The following LRRC51 variants were observed in gnomAD, a reference collection of about 807,000 sequenced individuals.
LRRC51 encodes leucine-rich repeat-containing protein 51.
A neutral mutation model predicts 17.8 loss-of-function variants in LRRC51; 8 were observed. That is an observed-to-expected ratio of 0.45 (90% CI 0.26 to 0.81). LRRC51 has a LOEUF of 0.81. Ranked by LOEUF, LRRC51 falls within the 30% of genes least tolerant of loss-of-function variation. LRRC51 has a pLI of 0.17. For missense variants in LRRC51, 233 were observed against 239.3 expected (o/e 0.97, Z 0.17); for synonymous variants, 92 against 96.0 (o/e 0.96, Z 0.24).
At position 72,095,038 on chromosome 11, in the gene LRRC51, C is replaced by A. The variant is rs1283366227; in HGVS notation, c.379C>A (p.Pro127Thr). 1 of 1,613,926 alleles carries A rather than the reference C, an allele frequency of 6.2e-7. No homozygotes were observed. The highest frequency in any genetic ancestry group is 1.3e-5 in the African/African-American group (1 of 74,868). ...LGEVNKLAVL[P>T]RLRSLTLHGN... ...GGAGGTGAATAAGCTGGCTGTCCTTCCTCGGCTCCGTAGCCTGACACTCCA... is the reference window on the plus strand; with the variant it reads ...GGAGGTGAATAAGCTGGCTGTCCTTACTCGGCTCCGTAGCCTGACACTCCA... The change falls in exon 5 of 6, where the codon CCT becomes ACT. Residue 127 changes from proline (P) to threonine (T), a missense_variant. Coordinates refer to ENST00000289488, the MANE Select transcript of LRRC51 (RefSeq NM_145309.6).
intron 1 of LRRC51, among the ~76,000 whole-genome samples, chr11:72,084,866 GTGTGTGTGTGTGTGTGTGTGTGTGT>G (rs1944442754): frequency 2.3e-4 from 1 of 4,370 alleles, no homozygotes; most frequent in African/African-American, 7.1e-4. Context: ...AAAACCGTGT[GTGTGTGTGTGTGTGTGTGTGTGTGT>G]GTGTGTGTGT....
At position 72,096,809 on chromosome 11, in the gene LRRC51, A is replaced by C. The variant is rs1481059021; in HGVS notation, c.*1289A>C. 4 of 1,361,454 alleles carry C rather than the reference A, an allele frequency of 2.9e-6. No homozygotes were observed. Among genetic ancestry groups the C allele is most frequent in the South Asian group, 1.8e-5 (1 of 57,022 alleles). 84.3% of individuals were successfully genotyped at this position (1,361,454 alleles called of 1,614,324 possible). ...GATCTCTGAAACCAGCCCCCACTTC[A>C]ATCAGATCAAAGTAATTCCATTCTG... On this transcript the variant is annotated 3_prime_UTR_variant, in exon 6 of 6. Transcript: ENST00000289488.
At chr11:72,094,903 G>A (rs1286782482) in intron 4 of LRRC51, 45 bp from the exon 5 acceptor site, 1 of 1,614,082 alleles carries the variant, frequency 6.2e-7, no homozygotes, top group South Asian at 1.1e-5. Flanking sequence ...AGAGATTCAG[G>A]GTCCTGTCCT....
At chr11:72,094,922 TG>T (rs1945090342) in intron 4 of LRRC51, 25 bp from the exon 5 acceptor site, 1 of 1,614,188 alleles carries the variant, frequency 6.2e-7, no homozygotes, top group African/African-American at 1.3e-5. Context: ...CTGTCTAGCC[TG>T]GCTTTTGGTT....
rs1945213564 is a variant in LRRC51, at chr11:72,096,410, G to A, written c.*890G>A. 1 of 510,394 alleles carries A rather than the reference G, an allele frequency of 2.0e-6. No homozygotes were observed. Among genetic ancestry groups the A allele is most frequent in the South Asian group, 7.0e-5 (1 of 14,198 alleles). The allele number at this position is 510,394 out of a possible 1,614,324, so 31.6% of individuals were successfully genotyped here. On this transcript the variant is annotated 3_prime_UTR_variant, in exon 6 of 6. Transcript: ENST00000289488. ...GAGCCACCACGCCCAGCCTTTTTTTGTATTTTTAGTAGAGATGGGGTTTCG... is the reference window on the plus strand; with the variant it reads ...GAGCCACCACGCCCAGCCTTTTTTTATATTTTTAGTAGAGATGGGGTTTCG...
chr11:72,091,352 T>C (rs1238768372), intron 3 of LRRC51, among the ~76,000 whole-genome samples: 1 of 152,082 alleles, frequency 6.6e-6, no homozygotes, highest in Non-Finnish European at 1.5e-5. Flanking sequence ...TGAGCTGGGG[T>C]ACGCCGTTCC....
rs960979862 is a variant in LRRC51 at position 72,095,625 on chromosome 11, A to T, written c.*105A>T. ...AGATGAGAAGTCACTTACACCTTGT[A>T]GAGATGTTCTCTAACTCAGGCAACT... On this transcript the variant is annotated 3_prime_UTR_variant, in exon 6 of 6. Coordinates refer to ENST00000289488, the MANE Select transcript of LRRC51 (RefSeq NM_145309.6). 3.9e-6 allele frequency: 6 copies of T among 1,551,046 alleles called. No individual in the cohort carries two copies. In the African/African-American group the frequency reaches 8.2e-5, roughly 21 times the overall value.
At chr11:72,092,818 G>C (rs1944939569) in intron 3 of LRRC51, among the ~76,000 whole-genome samples, 1 of 152,190 alleles carries the variant, frequency 6.6e-6, no homozygotes, top group South Asian at 2.1e-4. Context: ...TTCAGCTCAG[G>C]CTTCACCTTC....
At chr11:72,086,549 T>G (rs1944544145) in intron 1 of LRRC51, 3 of 689,752 alleles carry the variant, frequency 4.3e-6, no homozygotes, top group Non-Finnish European at 2.6e-6. Flanking sequence ...ACATTTTGAG[T>G]GCCTGTTGTA....
Position 72,095,383 on chromosome 11 carries a change from T to C in LRRC51, c.442T>C (p.Tyr148His), listed in dbSNP as rs752323332. Residue 148 changes from tyrosine to histidine, a missense_variant, in exon 6 of 6, where the codon TAT becomes CAT. Tyr to His is a moderately conservative substitution (Grantham distance 83, BLOSUM62 2). Transcript: ENST00000289488. ...PMEEEKGYRQ[Y>H]VLCTLSRITT... ...CAGCCTAAGTCTTCCCCACAGGCAATATGTGCTGTGCACCCTGTCCCGTAT... is the reference window on the plus strand; with the variant it reads ...CAGCCTAAGTCTTCCCCACAGGCAACATGTGCTGTGCACCCTGTCCCGTAT... 3.7e-6 allele frequency: 6 copies of C among 1,614,016 alleles called. No homozygotes were observed. The East Asian group carries it at 1.3e-4, about 36-fold the overall frequency.
chr11:72,089,266 C>G (rs1259708865), intron 3 of LRRC51, 101 bp downstream of exon 3: 1 of 1,576,156 alleles, frequency 6.3e-7, no homozygotes, highest in South Asian at 1.1e-5. Flanking sequence ...AGAGATTCTT[C>G]CCATATGCTT....
At chr11:72,092,898 T>C (rs1171570703) in intron 3 of LRRC51, among the ~76,000 whole-genome samples, 3 of 152,218 alleles carry the variant, frequency 2.0e-5, no homozygotes, top group Non-Finnish European at 2.9e-5. Flanking sequence ...AACTATTATA[T>C]AGCACTTATC....
chr11:72,083,088 C>T (rs1178596424), intron 1 of LRRC51, among the ~76,000 whole-genome samples: 1 of 152,214 alleles, frequency 6.6e-6, no homozygotes, highest in East Asian at 1.9e-4. Flanking sequence ...TGGTCTCGAA[C>T]TCCCGACCTC....
At chr11:72,087,566 A>T (rs1944612299) in intron 1 of LRRC51, among the ~76,000 whole-genome samples, 1 of 152,216 alleles carries the variant, frequency 6.6e-6, no homozygotes, top group Admixed American at 6.5e-5. Flanking sequence ...GGAATTTCAG[A>T]GCTAAATGTA....
At chr11:72,094,604 GCT>G (rs1945063896) in intron 4 of LRRC51, 1 of 664,028 alleles carries the variant, frequency 1.5e-6, no homozygotes, top group East Asian at 2.7e-5. Flanking sequence ...CTAGCATGAT[GCT>G]CTGTCTTCCT....
At chr11:72,092,754 T>A (rs1944935574) in intron 3 of LRRC51, among the ~76,000 whole-genome samples, 1 of 152,224 alleles carries the variant, frequency 6.6e-6, no homozygotes, top group Non-Finnish European at 1.5e-5. Flanking sequence ...CTTCATGCTG[T>A]TCCCTGCCTG....
chr11:72,087,359 G>T (rs568591289), intron 1 of LRRC51, among the ~76,000 whole-genome samples: 26 of 149,884 alleles, frequency 1.7e-4, no homozygotes, highest in African/African-American at 5.7e-4. Context: ...GCCCAGGCTG[G>T]AGTGCAGTGG....
intron 2 of LRRC51, chr11:72,088,828 T>C (rs1229951811): frequency 1.2e-5 from 7 of 578,680 alleles, no homozygotes; most frequent in Non-Finnish European, 2.1e-5. Flanking sequence ...TCAAATGAGT[T>C]CTAAGAGATG....
At chr11:72,086,205 G>A in intron 1 of LRRC51, 1 of 581,340 alleles carries the variant, frequency 1.7e-6, no homozygotes, top group Non-Finnish European at 3.1e-6. Context: ...AGAACTGAGT[G>A]TTGAAACATG....
Sources: gnomAD v4.1 joint callset for allele counts (sites outside exome capture counted in the v4.1 genomes callset) on GRCh38, gnomAD v4.1.1 for gene constraint, MANE v1.5 for transcripts, NCBI Gene and HGNC (gene_info 2026-07-23, HGNC 2026-07-21) for gene names.